Variants in GOLM1 observed in about 807,000 individuals in gnomAD.
GOLM1 encodes the protein epididymis luminal protein 46.
In GOLM1, 31 loss-of-function variants were observed where a neutral mutation model predicts 50.5. The observed-to-expected ratio is 0.61, with a 90% confidence interval of 0.46 to 0.83. The LOEUF (loss-of-function observed/expected upper bound fraction) is 0.83, where lower values mean the gene tolerates loss of function less well. GOLM1 is among the 40% of genes least tolerant of loss of function. The pLI is 0.00. For missense variants in GOLM1, 491 were observed against 501.3 expected (o/e 0.98, Z 0.20); for synonymous variants, 178 against 192.8 (o/e 0.92, Z 0.64).
At chr9:86,086,741 T>C (rs542742208) in intron 1 of GOLM1, among the ~76,000 whole-genome samples, 2 of 152,334 alleles carry the variant, frequency 1.3e-5, no homozygotes, top group South Asian at 4.1e-4. Context: ...TTTGTCAGTT[T>C]TGTCAAAGAT....
At chr9:86,077,970 A>T (rs968931294) in intron 2 of GOLM1, 1 of 183,432 alleles carries the variant, frequency 5.5e-6, no homozygotes, top group Non-Finnish European at 1.1e-5. Flanking sequence ...CAATTTCTGA[A>T]AACAGATTCA....
chr9:86,030,218 C>CAAAAAAAAAAAAAAA (rs35215928), intron 9 of GOLM1, among the ~76,000 whole-genome samples: 1 of 73,440 alleles, frequency 1.4e-5, no homozygotes, highest in Non-Finnish European at 2.5e-5. Flanking sequence ...GACTCTGTCT[C>CAAAAAAAAAAAAAAA]AAAAAAAAAA....
At chr9:86,096,745 T>A (rs1835365826) in intron 1 of GOLM1, among the ~76,000 whole-genome samples, 1 of 152,156 alleles carries the variant, frequency 6.6e-6, no homozygotes, top group African/African-American at 2.4e-5. Flanking sequence ...TGTTAACAAA[T>A]CCAGCCCTAT....
intron 3 of GOLM1, among the ~76,000 whole-genome samples, chr9:86,060,359 C>G (rs1834118289): frequency 6.6e-6 from 1 of 151,930 alleles, no homozygotes; most frequent in Non-Finnish European, 1.5e-5. Context: ...GCAAACAAGT[C>G]ATTTATGGCA....
chr9:86,085,870 C>T (rs1834945043), intron 1 of GOLM1, among the ~76,000 whole-genome samples: 1 of 152,200 alleles, frequency 6.6e-6, no homozygotes, highest in Admixed American at 6.5e-5. Flanking sequence ...TTTATCTAGT[C>T]TATCACTGAT....
At chr9:86,055,788 G>A (rs1833966515) in intron 3 of GOLM1, among the ~76,000 whole-genome samples, 1 of 152,166 alleles carries the variant, frequency 6.6e-6, no homozygotes, top group Non-Finnish European at 1.5e-5. Flanking sequence ...AGGGATAGGA[G>A]AGGGGGGAGG....
At chr9:86,045,612 T>G (rs1175138754) in intron 5 of GOLM1, among the ~76,000 whole-genome samples, 1 of 150,556 alleles carries the variant, frequency 6.6e-6, no homozygotes, top group Admixed American at 6.6e-5. Flanking sequence ...GAGATGGAGG[T>G]TGCAGTGAGC....
At chr9:86,065,499 G>T (rs75080703) in intron 3 of GOLM1, among the ~76,000 whole-genome samples, 6 of 152,132 alleles carry the variant, frequency 3.9e-5, no homozygotes, top group Non-Finnish European at 7.3e-5. Flanking sequence ...CATTACATTC[G>T]CAGGTGCACA....
chr9:86,028,012 G>A (rs1019285987), intron 9 of GOLM1, 119 bp from the exon 10 acceptor site: 22 of 619,464 alleles, frequency 3.6e-5, no homozygotes, highest in Admixed American at 1.2e-4. Context: ...ATCTCCCACA[G>A]CAACACTGTA....
Position 86,027,284 on chromosome 9 carries a change from A to G in GOLM1, c.*533T>C. 2.0e-6 allele frequency: 2 copies of G among 985,502 alleles called. No individual in the cohort carries two copies. The highest frequency in any genetic ancestry group is 2.4e-6 in the Non-Finnish European group (2 of 829,962). 61.0% of individuals were successfully genotyped at this position (985,502 alleles called of 1,614,324 possible). ...CTACTTTGCTAGTGACGTTTGTGTT[A>G]ACAGTCAGTGCTCTAGGCCATTGAT... On this transcript the variant is annotated 3_prime_UTR_variant, in exon 10 of 10. Transcript: ENST00000388712.
In GOLM1 at chr9:86,053,089, A is replaced by G. The variant is rs1833821440; in HGVS notation, c.310-498T>C. On this transcript the variant is annotated intron_variant, in intron 3 of 9. Coordinates refer to ENST00000388712, the MANE Select transcript of GOLM1 (RefSeq NM_016548.4). ...CACACACCACTCTACACGACACTAC[A>G]CCATGCCACAACTCCACACCACACA... Among the ~76,000 whole-genome samples the G allele has an allele frequency of 2.8e-5, 3 of 107,228 alleles. No homozygotes were observed. In the South Asian group the frequency reaches 9.7e-4, roughly 35 times the overall value. The allele number at this position is 107,228 out of a possible 152,430, so 70.3% of individuals were successfully genotyped here.
chr9:86,066,926 AATT>A (rs59673496), intron 3 of GOLM1, among the ~76,000 whole-genome samples: 16,278 of 151,802 alleles, frequency 0.11, 1,337 homozygotes, highest in East Asian at 0.5. Flanking sequence ...TTCAGACCCA[AATT>A]ATTATTATTA....
chr9:86,085,453 G>GTTTTTTTTTTTTTTTTTTTTTTGT (rs11397922), intron 1 of GOLM1, among the ~76,000 whole-genome samples: 1 of 93,180 alleles, frequency 1.1e-5, no homozygotes, highest in Admixed American at 1.1e-4. Flanking sequence ...CAAAGTTTTT[G>GTTTTTTTTTTTTTTTTTTTTTTGT]TTTTTTTTTT....
chr9:86,048,194 G>T (rs1419237099), intron 4 of GOLM1, among the ~76,000 whole-genome samples: 2 of 151,990 alleles, frequency 1.3e-5, no homozygotes, highest in African/African-American at 4.8e-5. Flanking sequence ...CCCTACAAAG[G>T]ACATAAACTC....
At chr9:86,077,725 T>G in intron 2 of GOLM1, 134 bp from the exon 3 acceptor site, 1 of 645,658 alleles carries the variant, frequency 1.5e-6, no homozygotes, top group Non-Finnish European at 2.7e-6. Flanking sequence ...CCCAAGGCTG[T>G]GTTTTAAGTC....
chr9:86,079,677 C>T (rs1307149941), intron 1 of GOLM1: 2 of 207,028 alleles, frequency 9.7e-6, no homozygotes, highest in African/African-American at 4.6e-5. Flanking sequence ...CATTACCATA[C>T]TCACCTTCCC....
At chr9:86,085,698 T>C (rs1834939115) in intron 1 of GOLM1, among the ~76,000 whole-genome samples, 1 of 152,170 alleles carries the variant, frequency 6.6e-6, no homozygotes, top group Non-Finnish European at 1.5e-5. Context: ...TTTCTCATTG[T>C]TCAGCTCCCA....
At position 86,026,823 on chromosome 9, in the gene GOLM1, G is replaced by A; in HGVS notation, c.*994C>T. On this transcript the variant is annotated 3_prime_UTR_variant, in exon 10 of 10. Transcript: ENST00000388712. ...GTGAGTCATTTACCACAAGCTAAAT[G>A]TGTACACTATGATAAAAACAACCAT... The A allele has an allele frequency of 1.0e-6, 1 of 977,044 alleles. No homozygotes were observed. The highest frequency in any genetic ancestry group is 1.2e-6 in the Non-Finnish European group (1 of 822,374). The allele number at this position is 977,044 out of a possible 1,614,324, so 60.5% of individuals were successfully genotyped here. A position where few individuals can be genotyped will look rare whatever the true frequency, so the allele number is the denominator to read the frequency against.
chr9:86,031,925 CAAAA>C (rs1043805404), intron 9 of GOLM1, among the ~76,000 whole-genome samples: 2 of 36,068 alleles, frequency 5.5e-5, no homozygotes, highest in African/African-American at 9.9e-5. Flanking sequence ...GACTCCATCT[CAAAA>C]AAAAAAAAAA....
Sources: allele counts gnomAD v4.1 joint callset (sites outside exome capture counted in the v4.1 genomes callset), GRCh38; gene constraint gnomAD v4.1.1; transcripts MANE v1.5; gene names NCBI Gene and HGNC (gene_info 2026-07-23, HGNC 2026-07-21).